The following TUBAL3 variants were observed in gnomAD, a reference collection of about 807,000 sequenced individuals.
The protein encoded by TUBAL3 is tubulin alpha chain-like 3.
In TUBAL3, 16 loss-of-function variants were observed where a neutral mutation model predicts 15.5. The observed-to-expected ratio is 1.04, with a 90% CI of 0.70 to 1.57. The LOEUF (loss-of-function observed/expected upper bound fraction) is 1.57, where lower values mean the gene tolerates loss of function less well. Ranked by LOEUF, TUBAL3 falls within the 40% of genes most tolerant of loss-of-function variation. The probability of loss-of-function intolerance (pLI) is 0.00; values close to 1 mark genes in which losing one functional copy is unlikely to be tolerated. For synonymous variants in TUBAL3, 238 were observed against 224.3 expected (o/e 1.06, Z -0.55); for missense variants, 609 against 576.2 (o/e 1.06, Z -0.58).
Position 5,394,472 on chromosome 10 carries a change from T to G in TUBAL3, c.397-11A>C. ...ACCACACTGTTCTGCCTGGAGAAAG[T>G]AAATGAGATGTGAGAATTCAGCTGA... is the stretch of plus-strand genomic sequence containing the variant. On this transcript the variant is annotated splice_polypyrimidine_tract_variant and intron_variant, in intron 3 of 3. Coordinates refer to ENST00000380419, the MANE Select transcript of TUBAL3 (RefSeq NM_024803.3). This position sits in a 1 kb window ranked among gnomAD's most constrained non-coding sequence, Gnocchi z 4.3. 1 of 1,573,918 alleles carries G rather than the reference T, an allele frequency of 6.4e-7. No homozygotes were observed. Among genetic ancestry groups the G allele is most frequent in the Non-Finnish European group, 8.6e-7 (1 of 1,161,100 alleles).
In TUBAL3 at chr10:5,400,979, CAAG is replaced by C; in HGVS notation, c.109_111del (p.Leu37del). The C allele has an allele frequency of 6.2e-7, 1 of 1,614,200 alleles. No homozygotes were observed. Among genetic ancestry groups the C allele is most frequent in the Non-Finnish European group, 8.5e-7 (1 of 1,180,036 alleles). On this transcript the variant is annotated inframe_deletion, in exon 2 of 4. Coordinates refer to ENST00000380419, the MANE Select transcript of TUBAL3 (RefSeq NM_024803.3). Reference sequence around the variant, plus strand: ...TTTTCCAGCTGATCCTGTTGAGTGTCAAGAACAACGCCATTTGGCTGGATTCCA... The same window carrying C: ...TTTTCCAGCTGATCCTGTTGAGTGTCAACAACGCCATTTGGCTGGATTCCA...
chr10:5,395,293 A>G lies in TUBAL3; in HGVS notation c.396+34T>C. On this transcript the variant is annotated intron_variant, in intron 3 of 3. Transcript: ENST00000380419. This position sits in a 1 kb window ranked among gnomAD's most constrained non-coding sequence, Gnocchi z 4.6. Reference sequence around the variant, plus strand: ...CCGCAGGACCCCACATGCCCCAGGCACAGCCCACTCGGAGGAGAGGGGGAG... The same window carrying G: ...CCGCAGGACCCCACATGCCCCAGGCGCAGCCCACTCGGAGGAGAGGGGGAG... 1 of 1,461,612 alleles carries G rather than the reference A, an allele frequency of 6.8e-7. No individual in the cohort carries two copies. Among genetic ancestry groups the G allele is most frequent in the Non-Finnish European group, 9.1e-7 (1 of 1,094,294 alleles). 90.5% of individuals were successfully genotyped at this position (1,461,612 alleles called of 1,614,324 possible).
Position 5,394,203 on chromosome 10 carries a change from T to C in TUBAL3, c.655A>G (p.Ile219Val), listed in dbSNP as rs781880312. 2 of 1,614,202 alleles carry C rather than the reference T, an allele frequency of 1.2e-6. No homozygotes were observed. Among genetic ancestry groups the C allele is most frequent in the Non-Finnish European group, 1.7e-6 (2 of 1,180,040 alleles). ...TCAACACCGAGTTTACGATGGCATATATCATAGACGGCCTCGTTGTCCACC... is the reference window on the plus strand; with the variant it reads ...TCAACACCGAGTTTACGATGGCATACATCATAGACGGCCTCGTTGTCCACC... The part of the protein sequence containing the change: ...FMVDNEAVYD[I>V]CHRKLGVECP... The change falls in exon 4 of 4, where the codon ATA becomes GTA. Residue 219 changes from isoleucine to valine, a missense_variant. Ile to Val is a conservative substitution (Grantham distance 29). Transcript: ENST00000380419. This position sits in a 1 kb window ranked among gnomAD's most constrained non-coding sequence, Gnocchi z 4.3.
chr10:5,400,552 A>C (rs1336545992), intron 2 of TUBAL3, among the ~76,000 whole-genome samples: 1 of 152,076 alleles, frequency 6.6e-6, no homozygotes, highest in South Asian at 2.1e-4. Flanking sequence ...AATTGCTTGA[A>C]CCCAGGAGAC....
chr10:5,398,435 A>C (rs1295533190), intron 2 of TUBAL3, among the ~76,000 whole-genome samples: 5 of 151,118 alleles, frequency 3.3e-5, no homozygotes, highest in South Asian at 2.1e-4. Flanking sequence ...AAAAAAAAAA[A>C]AAAAAAAAAA....
In TUBAL3 at chr10:5,394,118, G is replaced by A. The variant is rs1554813826; in HGVS notation, c.740C>T (p.Ala247Val). ...LVVQVVSSIT[A>V]SLRFEGPLNV... ...CAAGGGCCCTTCAAACCGGAGGGAG[G>A]CAGTGATGGAAGATACCACCTGAAC... The change falls in exon 4 of 4, where the codon GCC becomes GTC. Residue 247 changes from alanine to valine, a missense_variant. Transcript: ENST00000380419. The surrounding 1 kb of genome is among the most constrained non-coding windows in gnomAD (Gnocchi z 4.3). 2 of 1,614,222 alleles carry A rather than the reference G, an allele frequency of 1.2e-6. No homozygotes were observed. The highest frequency in any genetic ancestry group is 1.7e-6 in the Non-Finnish European group (2 of 1,180,046).
rs368626354 is a variant in TUBAL3, at chr10:5,396,650, C to T, written c.248-1175G>A. Among the ~76,000 whole-genome samples the T allele has an allele frequency of 1.1e-4, 16 of 152,332 alleles. No homozygotes were observed. The highest frequency in any genetic ancestry group is 3.4e-3 in the Middle Eastern group (1 of 294). ...AAATGCTGAGTGCATAAATGCATGA[C>T]GCAGGACAATTGGCGTTAAGATGTT... On this transcript the variant is annotated intron_variant, in intron 2 of 3. Transcript: ENST00000380419. This position sits in a 1 kb window ranked among gnomAD's most constrained non-coding sequence, Gnocchi z 5.1.
Position 5,393,610 on chromosome 10 carries a change from G to C in TUBAL3, c.1248C>G (p.Leu416=). The change falls in exon 4 of 4, where the codon CTC becomes CTG. Residue 416 remains leucine, a synonymous_variant. Transcript: ENST00000380419. ...ACTCTGCTTCTTCCATGCCTTCTCTGAGGTACCAGTGCAGAAATGCTCTCT... is the reference window on the plus strand; with the variant it reads ...ACTCTGCTTCTTCCATGCCTTCTCTCAGGTACCAGTGCAGAAATGCTCTCT... The part of the protein sequence containing the change: ...YAKRAFLHWY[L]REGMEEAEFL... The C allele has an allele frequency of 6.2e-7, 1 of 1,614,146 alleles. No individual in the cohort carries two copies. Among genetic ancestry groups the C allele is most frequent in the Non-Finnish European group, 8.5e-7 (1 of 1,180,024 alleles).
chr10:5,401,430 ATG>A (rs5782825), intron 1 of TUBAL3, among the ~76,000 whole-genome samples: 97,550 of 149,708 alleles, frequency 0.65, 31,641 homozygotes, highest in East Asian at 0.73. Context: ...TATAGGTGAG[ATG>A]TGTGTGTGTG....
At chr10:5,404,480 T>C (rs528668124) in intron 1 of TUBAL3, among the ~76,000 whole-genome samples, 1 of 152,118 alleles carries the variant, frequency 6.6e-6, no homozygotes, top group African/African-American at 2.4e-5. Flanking sequence ...AAATCAGCAC[T>C]CTGGGCCTAA....
At chr10:5,401,488 G>A (rs1013834135) in intron 1 of TUBAL3, among the ~76,000 whole-genome samples, 1 of 151,826 alleles carries the variant, frequency 6.6e-6, no homozygotes, top group East Asian at 1.9e-4. Flanking sequence ...GGCTTGTCTA[G>A]AAATAAAATT....
At chr10:5,401,201 G>T in intron 1 of TUBAL3, 114 bp from the exon 2 acceptor site, 1 of 1,302,782 alleles carries the variant, frequency 7.7e-7, no homozygotes, top group Non-Finnish European at 1.1e-6. Context: ...AGGCCACGGA[G>T]GAATGTGTTA....
Position 5,395,337 on chromosome 10 carries a change from G to A in TUBAL3, c.386C>T (p.Thr129Ile). The A allele has an allele frequency of 1.3e-6, 2 of 1,557,292 alleles. No homozygotes were observed. Among genetic ancestry groups the A allele is most frequent in the Non-Finnish European group, 8.7e-7 (1 of 1,144,598 alleles). The change falls in exon 3 of 4, where the codon ACC becomes ATC. Residue 129 changes from threonine to isoleucine, a missense_variant. By Grantham distance (89) the Thr-to-Ile change is moderately conservative. Coordinates refer to ENST00000380419, the MANE Select transcript of TUBAL3 (RefSeq NM_024803.3). The surrounding 1 kb of genome is among the most constrained non-coding windows in gnomAD (Gnocchi z 4.6). ...SEVIDLVLER[T>I]RKLAEQCGGL... ...GGGGGAGCCACTTGCCAGCTTCCGG[G>A]TCCTCTCCAGCACAAGGTCGATGAC...
chr10:5,399,262 G>A (rs1564451854), intron 2 of TUBAL3, among the ~76,000 whole-genome samples: 1 of 152,238 alleles, frequency 6.6e-6, no homozygotes, highest in South Asian at 2.1e-4. Context: ...CTAAATGGCT[G>A]TGTCCCCCCA....
In TUBAL3 at chr10:5,395,579, T is replaced by G; in HGVS notation, c.248-104A>C. The G allele has an allele frequency of 8.2e-7, 1 of 1,225,590 alleles. No individual in the cohort carries two copies. The highest frequency in any genetic ancestry group is 1.1e-6 in the Non-Finnish European group (1 of 928,998). 75.9% of individuals were successfully genotyped at this position (1,225,590 alleles called of 1,614,324 possible). A position where few individuals can be genotyped will look rare whatever the true frequency, so the allele number is the denominator to read the frequency against. On this transcript the variant is annotated intron_variant, in intron 2 of 3. Coordinates refer to ENST00000380419, the MANE Select transcript of TUBAL3 (RefSeq NM_024803.3). This position sits in a 1 kb window ranked among gnomAD's most constrained non-coding sequence, Gnocchi z 4.6. ...CTCCCCGTACTTGACTCCCATGCTT[T>G]CTCTCAATATTGTGGTCCAGGAATG...
In TUBAL3 at chr10:5,393,457, G is replaced by A. The variant is rs536983147; in HGVS notation, c.*60C>T. On this transcript the variant is annotated 3_prime_UTR_variant, in exon 4 of 4. Transcript: ENST00000380419. ...GGGAACTACCCACTAGGCATATAAC[G>A]GCTTGAAAAGAAAACATGCCATTTT... 1.9e-5 allele frequency: 28 copies of A among 1,464,464 alleles called. No homozygotes were observed. The highest frequency in any genetic ancestry group is 1.8e-4 in the Middle Eastern group (1 of 5,564). 90.7% of individuals were successfully genotyped at this position (1,464,464 alleles called of 1,614,324 possible).
At position 5,394,665 on chromosome 10, in the gene TUBAL3, T is replaced by A. The variant is rs186458754; in HGVS notation, c.397-204A>T. On this transcript the variant is annotated intron_variant, in intron 3 of 3. Transcript: ENST00000380419. This position sits in a 1 kb window ranked among gnomAD's most constrained non-coding sequence, Gnocchi z 4.3. ...TGGAGTAGGCAAAGCACTTCAGAGC[T>A]TTACTATAAGCAGAGCATAAATATC... 5.9e-5 allele frequency among the ~76,000 whole-genome samples: 9 copies of A among 152,344 alleles called. No individual in the cohort carries two copies. Among genetic ancestry groups the A allele is most frequent in the Admixed American group, 5.9e-4 (9 of 15,302 alleles).
rs1554813687 is a variant in TUBAL3 at position 5,393,523 on chromosome 10, A to T, written c.1335T>A (p.Ser445Arg). The change falls in exon 4 of 4, where the codon AGT becomes AGA. Residue 445 changes from serine to arginine, a missense_variant. By Grantham distance (110) the Ser-to-Arg change is moderately radical. Coordinates refer to ENST00000380419, the MANE Select transcript of TUBAL3 (RefSeq NM_024803.3). The stretch of plus-strand genomic sequence containing the variant: ...TGCACCCATCATACATGCCTCAGAA[A>T]CTTTGCGCCACTTCCTCATAGTCCC... Reference protein sequence around the residue: ...LERDYEEVAQSF With the variant: ...LERDYEEVAQRF The T allele has an allele frequency of 6.2e-7, 1 of 1,600,364 alleles. No homozygotes were observed. The highest frequency in any genetic ancestry group is 1.1e-5 in the South Asian group (1 of 88,616).
chr10:5,393,494 C>A lies in TUBAL3; in HGVS notation c.*23G>T. The A allele has an allele frequency of 1.3e-6, 2 of 1,562,498 alleles. No individual in the cohort carries two copies. Among genetic ancestry groups the A allele is most frequent in the South Asian group, 1.2e-5 (1 of 82,256 alleles). ...AAACATGCCATTTTAACTTGACATT[C>A]ATTTGCACCCATCATACATGCCTCA... On this transcript the variant is annotated 3_prime_UTR_variant, in exon 4 of 4. Transcript: ENST00000380419.
Sources: gnomAD v4.1 joint callset for allele counts (sites outside exome capture counted in the v4.1 genomes callset) on GRCh38, gnomAD v4.1.1 for gene constraint, Gnocchi (gnomAD v3.1) non-coding constraint, MANE v1.5 for transcripts, NCBI Gene and HGNC (gene_info 2026-07-23, HGNC 2026-07-21) for gene names.